Variants in ERC2 observed in about 807,000 individuals in gnomAD.
ERC2 encodes the protein ERC protein 2.
A neutral mutation model predicts 114.8 loss-of-function variants in ERC2; 42 were observed. That is an observed-to-expected ratio of 0.37 (90% CI 0.29 to 0.47). The LOEUF (loss-of-function observed/expected upper bound fraction) is 0.47. ERC2 is among the 20% of genes least tolerant of loss of function. The probability of loss-of-function intolerance (pLI) is 0.99; values close to 1 mark genes in which losing one functional copy is unlikely to be tolerated. For synonymous variants in ERC2, 454 were observed against 425.5 expected, an observed-to-expected ratio of 1.07 and a Z score of -0.82; for missense variants, 939 against 1,150.7, an observed-to-expected ratio of 0.82 and a Z score of 2.66.
chr3:55,898,924 T>G (rs570461590), intron 13 of ERC2, among the ~76,000 whole-genome samples: 1 of 152,204 alleles, frequency 6.6e-6, no homozygotes, highest in African/African-American at 2.4e-5. Flanking sequence ...CATCGCACAG[T>G]AGATCTTCCT....
At chr3:56,050,268 A>G (rs1286889135) in intron 7 of ERC2, among the ~76,000 whole-genome samples, 11 of 152,200 alleles carry the variant, frequency 7.2e-5, no homozygotes, top group Non-Finnish European at 1.6e-4. Flanking sequence ...AGATTGTACC[A>G]CTAAGACTCA....
intron 15 of ERC2, among the ~76,000 whole-genome samples, chr3:55,733,475 C>T (rs1420600126): frequency 6.8e-6 from 1 of 147,194 alleles, no homozygotes; most frequent in Non-Finnish European, 1.5e-5. Flanking sequence ...CACACACACA[C>T]ACACACACAC....
intron 3 of ERC2, among the ~76,000 whole-genome samples, chr3:56,295,472 C>T (rs576334426): frequency 6.6e-6 from 1 of 152,184 alleles, no homozygotes; most frequent in African/African-American, 2.4e-5. Context: ...AACACATACT[C>T]AGAAAACCTG....
chr3:56,153,724 TG>T (rs756871049), intron 4 of ERC2, among the ~76,000 whole-genome samples: 4 of 152,090 alleles, frequency 2.6e-5, no homozygotes, highest in African/African-American at 4.8e-5. Context: ...AAATGGTGAG[TG>T]GGTGGAACAT....
At chr3:56,051,447 G>C (rs921000201) in intron 7 of ERC2, among the ~76,000 whole-genome samples, 1 of 152,130 alleles carries the variant, frequency 6.6e-6, no homozygotes, top group Non-Finnish European at 1.5e-5. Context: ...GAGAGAGGGA[G>C]ACAACCTTTG....
At chr3:55,536,100 C>T (rs944877963) in intron 17 of ERC2, among the ~76,000 whole-genome samples, 1 of 152,180 alleles carries the variant, frequency 6.6e-6, no homozygotes, top group Non-Finnish European at 1.5e-5. Flanking sequence ...CTAAAACATA[C>T]AAATTGGCAT....
intron 4 of ERC2, among the ~76,000 whole-genome samples, chr3:56,166,353 G>GT (rs1217703856): frequency 6.6e-6 from 1 of 151,872 alleles, no homozygotes; most frequent in Non-Finnish European, 1.5e-5. Context: ...TATTTGCTGG[G>GT]TATGAATATC....
At chr3:56,242,802 C>T (rs963914352) in intron 3 of ERC2, among the ~76,000 whole-genome samples, 29 of 152,130 alleles carry the variant, frequency 1.9e-4, no homozygotes, top group African/African-American at 6.8e-4. Flanking sequence ...GCACAGAGGC[C>T]ATGTTGTAGG....
chr3:56,430,500 A>C (rs1362590450), intron 2 of ERC2, among the ~76,000 whole-genome samples: 1 of 152,226 alleles, frequency 6.6e-6, no homozygotes, highest in Non-Finnish European at 1.5e-5. Flanking sequence ...AAAACACATC[A>C]TGAGGCAAAA....
At chr3:56,341,885 G>A (rs2058102863) in intron 2 of ERC2, among the ~76,000 whole-genome samples, 1 of 152,184 alleles carries the variant, frequency 6.6e-6, no homozygotes. Flanking sequence ...GAGATCTCAG[G>A]GAAGGGCATC....
intron 2 of ERC2, among the ~76,000 whole-genome samples, chr3:56,359,405 A>G (rs1172801280): frequency 6.6e-6 from 1 of 152,252 alleles, no homozygotes; most frequent in Non-Finnish European, 1.5e-5. Context: ...AAAAAGCAGA[A>G]CCACTTGACT....
intron 6 of ERC2, among the ~76,000 whole-genome samples, chr3:56,123,509 G>C (rs575131538): frequency 6.6e-6 from 1 of 152,022 alleles, no homozygotes; most frequent in Non-Finnish European, 1.5e-5. Context: ...TTTTATAACA[G>C]CCTAAAGGGA....
intron 4 of ERC2, among the ~76,000 whole-genome samples, chr3:56,170,631 A>G (rs1310442577): frequency 1.6e-5 from 2 of 121,470 alleles, no homozygotes; most frequent in African/African-American, 3.4e-5. Flanking sequence ...GTGTCTCACT[A>G]TGTCACCCAG....
At chr3:55,879,609 C>CT (rs2063027957) in intron 14 of ERC2, among the ~76,000 whole-genome samples, 1 of 152,180 alleles carries the variant, frequency 6.6e-6, no homozygotes, top group South Asian at 2.1e-4. Context: ...ATGCACTAAA[C>CT]ATACATGCAT....
intron 3 of ERC2, among the ~76,000 whole-genome samples, chr3:56,263,540 A>G (rs1396627320): frequency 6.6e-6 from 1 of 152,208 alleles, no homozygotes; most frequent in African/African-American, 2.4e-5. Context: ...ATAAACAACT[A>G]TATGCCAACA....
intron 2 of ERC2, among the ~76,000 whole-genome samples, chr3:56,399,971 T>G (rs1365707304): frequency 6.6e-6 from 1 of 152,130 alleles, no homozygotes; most frequent in African/African-American, 2.4e-5. Context: ...TTTTAAAATA[T>G]TAACCAACAC....
chr3:56,215,832 A>C (rs181326290), intron 3 of ERC2, among the ~76,000 whole-genome samples: 8 of 152,368 alleles, frequency 5.3e-5, no homozygotes, highest in South Asian at 2.1e-4. Context: ...ACTCAGGATT[A>C]AGAAACTCAC....
intron 14 of ERC2, 33 bp from the exon 15 acceptor site, chr3:55,734,951 G>C: frequency 6.8e-7 from 1 of 1,469,946 alleles, no homozygotes; most frequent in East Asian, 2.5e-5. Flanking sequence ...GATCATTTTT[G>C]TAAAATAAAA....
intron 4 of ERC2, among the ~76,000 whole-genome samples, chr3:56,162,470 T>G (rs1297471787): frequency 6.6e-6 from 1 of 152,206 alleles, no homozygotes; most frequent in African/African-American, 2.4e-5. Flanking sequence ...CTCTTCTTTG[T>G]ATGTTTGAAA....
Sources: allele counts gnomAD v4.1 joint callset (sites outside exome capture counted in the v4.1 genomes callset), GRCh38; gene constraint gnomAD v4.1.1; transcripts MANE v1.5; gene names NCBI Gene and HGNC (gene_info 2026-07-23, HGNC 2026-07-21).